The following PCDHA5 variants were observed in gnomAD, a reference collection of about 807,000 sequenced individuals.
PCDHA5 encodes the protein protocadherin alpha-5.
PCDHA5 carries 43 observed loss-of-function variants against 61.6 expected under a neutral mutation model. That is an observed-to-expected ratio of 0.70 (90% CI 0.55 to 0.90). The LOEUF is 0.90. PCDHA5 is among the 40% of genes least tolerant of loss of function. PCDHA5 has a pLI of 0.00. For synonymous variants in PCDHA5, 627 were observed against 543.9 expected (o/e 1.15, Z -2.13); for missense variants, 1,298 against 1,222.7 (o/e 1.06, Z -0.92).
rs151299460 is a variant in PCDHA5, at chr5:140,849,914, C to T, written c.2352+25787C>T. On this transcript the variant is annotated intron_variant, in intron 1 of 3. Coordinates refer to ENST00000529859, the MANE Select transcript of PCDHA5 (RefSeq NM_018908.3). ...AGGAGAACAACCCGCCGGGCTGCCA[C>T]ATCTTCACGGTGTCTGCGCGGGACG... is the stretch of plus-strand genomic sequence containing the variant. 4.8e-4 allele frequency: 771 copies of T among 1,598,354 alleles called. 44 individuals are homozygous for T. The African/African-American group carries it at 9.1e-3, about 19-fold the overall frequency.
intron 1 of PCDHA5, chr5:140,927,757 A>G (rs957906084): frequency 3.2e-5 from 51 of 1,614,028 alleles, no homozygotes; most frequent in Admixed American, 1.0e-4. Flanking sequence ...CGTGCACCCT[A>G]AAAGTGGGGA....
At chr5:140,841,762 G>A in intron 1 of PCDHA5, 1 of 1,613,914 alleles carries the variant, frequency 6.2e-7, no homozygotes, top group Non-Finnish European at 8.5e-7. Context: ...AATCCAGAAT[G>A]CCAGACTCTC....
intron 1 of PCDHA5, chr5:140,835,111 A>G: frequency 2.3e-6 from 3 of 1,290,786 alleles, no homozygotes; most frequent in Middle Eastern, 2.7e-4. Flanking sequence ...CCAGTGTTCG[A>G]CAGAACCCTG....
chr5:140,928,262 A>G, intron 1 of PCDHA5: 1 of 1,614,214 alleles, frequency 6.2e-7, no homozygotes, highest in Non-Finnish European at 8.5e-7. Flanking sequence ...GTTGCTGAAA[A>G]CAATGGCCCT....
At chr5:140,905,878 C>T (rs1187937436) in intron 1 of PCDHA5, among the ~76,000 whole-genome samples, 2 of 152,054 alleles carry the variant, frequency 1.3e-5, no homozygotes, top group African/African-American at 2.4e-5. Flanking sequence ...CAAGGCCCAA[C>T]AATAGGCCAT....
In PCDHA5 at chr5:140,927,773, A is replaced by G. The variant is rs143568645; in HGVS notation, c.2353-51176A>G. ...GTGCACCCTAAAAGTGGGGAGGTGC[A>G]AGTAGCTGCTTCACTAGGTCCGCCT... is the stretch of plus-strand genomic sequence containing the variant. On this transcript the variant is annotated intron_variant, in intron 1 of 3. Coordinates refer to ENST00000529859, the MANE Select transcript of PCDHA5 (RefSeq NM_018908.3). 201 of 1,614,196 alleles carry G rather than the reference A, an allele frequency of 1.2e-4. 4 individuals carry two copies. In the Middle Eastern group the frequency reaches 2.1e-3, roughly 17 times the overall value.
chr5:140,943,751 TAGG>T (rs1284418706), intron 1 of PCDHA5, among the ~76,000 whole-genome samples: 1 of 152,048 alleles, frequency 6.6e-6, no homozygotes, highest in Non-Finnish European at 1.5e-5. Flanking sequence ...CTAAAAGCAG[TAGG>T]AGATGTAGGA....
chr5:140,929,549 T>G, intron 1 of PCDHA5: 1 of 500,966 alleles, frequency 2.0e-6, no homozygotes, highest in Non-Finnish European at 3.3e-6. Context: ...GGGCAAAAAT[T>G]AAAACCTATT....
At position 141,009,807 on chromosome 5, in the gene PCDHA5, T is replaced by C. The variant is rs1554262456; in HGVS notation, c.2681T>C (p.Ile894Thr). ...CGGCAGGAGCCTACTAACAGCCAAA[T>C]TGACAAAAGTGACTTCATAACCTTC... is the stretch of plus-strand genomic sequence containing the variant. ...SIRQEPTNSQIDKSDFITFGK... is the reference protein window; with the variant it reads ...SIRQEPTNSQTDKSDFITFGK... Residue 894 changes from isoleucine to threonine, a missense_variant, in exon 4 of 4, where the codon ATT (isoleucine) becomes ACT (threonine). Ile to Thr is a moderately conservative substitution (Grantham distance 89). Transcript: ENST00000529859. 9.9e-6 allele frequency: 16 copies of C among 1,613,824 alleles called. No homozygotes were observed. Among genetic ancestry groups the C allele is most frequent in the South Asian group, 1.1e-5 (1 of 91,066 alleles).
chr5:140,874,970 G>T (rs186825854), intron 1 of PCDHA5, among the ~76,000 whole-genome samples: 6 of 152,162 alleles, frequency 3.9e-5, no homozygotes, highest in Non-Finnish European at 7.4e-5. Flanking sequence ...AAGGGGAGGG[G>T]TGCTGTATAT....
chr5:140,948,029 T>A (rs1372869400), intron 1 of PCDHA5, among the ~76,000 whole-genome samples: 1 of 151,594 alleles, frequency 6.6e-6, no homozygotes, highest in African/African-American at 2.4e-5. Flanking sequence ...TCTGGTTTGC[T>A]CAGAGTTTTA....
intron 1 of PCDHA5, among the ~76,000 whole-genome samples, chr5:140,971,942 C>A (rs2153791969): frequency 6.6e-6 from 1 of 152,140 alleles, no homozygotes; most frequent in Middle Eastern, 3.4e-3. Flanking sequence ...AAGTTGTATC[C>A]ATCTGACTCC....
intron 3 of PCDHA5, among the ~76,000 whole-genome samples, chr5:141,005,325 A>G (rs1430982331): frequency 6.6e-6 from 1 of 152,226 alleles, no homozygotes; most frequent in Non-Finnish European, 1.5e-5. Context: ...GTAGAGAATA[A>G]TAGGCCAAGG....
At chr5:140,950,580 C>T (rs2094499075) in intron 1 of PCDHA5, among the ~76,000 whole-genome samples, 1 of 151,958 alleles carries the variant, frequency 6.6e-6, no homozygotes, top group South Asian at 2.1e-4. Context: ...TTTCTACTTA[C>T]CTTTGGTTTA....
chr5:140,836,277 A>G (rs1774327794), intron 1 of PCDHA5: 1 of 1,613,670 alleles, frequency 6.2e-7, no homozygotes, highest in Non-Finnish European at 8.5e-7. Context: ...TGGTGAGATC[A>G]GCACGACACG....
chr5:140,857,359 G>T lies in PCDHA5; in HGVS notation c.2352+33232G>T, dbSNP rs200721411. ...GGGGCTCGCCTCCGCTGTGGGCCAC[G>T]GCCAGCGTGTCTGTGGAGGTGGCCG... On this transcript the variant is annotated intron_variant, in intron 1 of 3. Coordinates refer to ENST00000529859, the MANE Select transcript of PCDHA5 (RefSeq NM_018908.3). 3 of 1,598,398 alleles carry T rather than the reference G, an allele frequency of 1.9e-6. No individual in the cohort carries two copies. The South Asian group carries it at 3.3e-5, about 18-fold the overall frequency.
In PCDHA5 at chr5:140,830,646, T is replaced by C. The variant is rs1199441210; in HGVS notation, c.2352+6519T>C. 6.5e-6 allele frequency: 3 copies of C among 458,330 alleles called. No homozygotes were observed. In the Admixed American group the frequency reaches 1.3e-4, roughly 20 times the overall value. The allele number at this position is 458,330 out of a possible 1,614,324, so 28.4% of individuals were successfully genotyped here. On this transcript the variant is annotated intron_variant, in intron 1 of 3. Transcript: ENST00000529859. ...TCTTATTTTAATCTCTTTGCTTCTT[T>C]AATATTCATAATTTAAGTGAAATTA...
At chr5:140,864,340 A>ACAT (rs1554158797) in intron 1 of PCDHA5, 2 of 152,232 alleles carry the variant, frequency 1.3e-5, no homozygotes, top group African/African-American at 4.8e-5. Flanking sequence ...TTGAGTTTAA[A>ACAT]ACATGTTTAA....
Position 140,846,464 on chromosome 5 carries a change from T to G in PCDHA5, c.2352+22337T>G, listed in dbSNP as rs2150391195. Among the ~76,000 whole-genome samples, 4 of 138,432 alleles carry G rather than the reference T, an allele frequency of 2.9e-5. No homozygotes were observed. In the South Asian group the frequency reaches 1.0e-3, roughly 35 times the overall value. The allele number at this position is 138,432 out of a possible 152,430, so 90.8% of individuals were successfully genotyped here. On this transcript the variant is annotated intron_variant, in intron 1 of 3. Transcript: ENST00000529859. ...ATCTCGGCTCACTGCAACCTCTGCC[T>G]CCCGGGTTCAAATGATTCTCCTTCC...
Sources: gnomAD v4.1 joint callset for allele counts (sites outside exome capture counted in the v4.1 genomes callset) on GRCh38, gnomAD v4.1.1 for gene constraint, MANE v1.5 for transcripts, NCBI Gene and HGNC (gene_info 2026-07-23, HGNC 2026-07-21) for gene names.